Variants in HIVEP3 observed in about 807,000 individuals in gnomAD.
The protein encoded by HIVEP3 is transcription factor HIVEP3.
Under a neutral mutation model 152.8 loss-of-function variants are expected in HIVEP3, and 49 were observed. The observed-to-expected ratio is 0.32, with a 90% CI of 0.26 to 0.41. HIVEP3 has a LOEUF of 0.41. Among genes scored for constraint, HIVEP3 ranks in the 10% least tolerant of loss-of-function variants. The pLI is 1.00. For synonymous variants in HIVEP3, 1,269 were observed against 1,289.0 expected (o/e 0.98, Z 0.33); for missense variants, 2,790 against 3,103.3 (o/e 0.90, Z 2.40).
rs139549625 is a variant in HIVEP3, at chr1:41,889,779, C to T, written c.-801+28634G>A. Among the ~76,000 whole-genome samples the T allele has an allele frequency of 1.8e-3, 279 of 152,296 alleles. 1 individual carries two copies. Among genetic ancestry groups the T allele is most frequent in the African/African-American group, 6.5e-3 (269 of 41,570 alleles). On this transcript the variant is annotated intron_variant, in intron 1 of 8. Coordinates refer to ENST00000372583, the MANE Select transcript of HIVEP3 (RefSeq NM_024503.5). ...TAGGAATAACGGACTCTGATTACCA[C>T]GGTGACACTCCCAAGGTGATGGCTC...
At chr1:41,946,520 C>CT (rs1645075925) in intron 1 of HIVEP3, among the ~76,000 whole-genome samples, 1 of 152,218 alleles carries the variant, frequency 6.6e-6, no homozygotes, top group Non-Finnish European at 1.5e-5. Flanking sequence ...TAAGTTGTGA[C>CT]TGGGGAACTT....
chr1:41,726,180 T>C (rs1490365546), intron 1 of HIVEP3, among the ~76,000 whole-genome samples: 2 of 152,212 alleles, frequency 1.3e-5, no homozygotes, highest in Admixed American at 1.3e-4. Flanking sequence ...GTCTCAAGCA[T>C]TTTCATGAGC....
At chr1:41,528,451 A>C (rs1569758153) in intron 5 of HIVEP3, among the ~76,000 whole-genome samples, 1 of 52,188 alleles carries the variant, frequency 1.9e-5, no homozygotes, top group Admixed American at 2.2e-4. Context: ...TCCCACCCTC[A>C]CACACACCCC....
rs145109526 is a variant in HIVEP3 at position 41,579,976 on chromosome 1, A to T, written c.4822T>A (p.Tyr1608Asn). The change falls in exon 4 of 9, where the codon TAT becomes AAT. Residue 1608 changes from tyrosine to asparagine, a missense_variant. Transcript: ENST00000372583. ...LHTTTNVSWC[Y>N]LNYIKPNHIQ... is the part of the protein sequence containing the mutation. The stretch of plus-strand genomic sequence containing the variant: ...TGATTTGGCTTAATGTAGTTTAAAT[A>T]GCACCAACTGACATTAGTGGTTGTG... 4 of 1,614,260 alleles carry T rather than the reference A, an allele frequency of 2.5e-6. No individual in the cohort carries two copies. In the East Asian group the frequency reaches 8.9e-5, roughly 36 times the overall value.
chr1:41,676,801 C>T (rs1645963935), intron 2 of HIVEP3, among the ~76,000 whole-genome samples: 1 of 152,304 alleles, frequency 6.6e-6, no homozygotes, highest in South Asian at 2.1e-4. Context: ...AACACAATCG[C>T]GCAGTGACCC....
intron 1 of HIVEP3, among the ~76,000 whole-genome samples, chr1:41,903,562 G>C (rs748031046): frequency 7.9e-5 from 12 of 152,248 alleles, no homozygotes; most frequent in Non-Finnish European, 1.2e-4. Flanking sequence ...CTCTCCTCAG[G>C]AGGGACCAAG....
At chr1:41,707,888 A>G (rs894014260) in intron 1 of HIVEP3, among the ~76,000 whole-genome samples, 18 of 152,252 alleles carry the variant, frequency 1.2e-4, no homozygotes, top group Non-Finnish European at 5.9e-5. Flanking sequence ...ATCTGCAGCA[A>G]TAGACCTGGC....
At position 41,676,712 on chromosome 1, in the gene HIVEP3, A is replaced by T. The variant is rs138419482; in HGVS notation, c.-721+24204T>A. Reference sequence around the variant, plus strand: ...CCTCAGGAAACTGCCCCCCAACTCCACTCTCAATTCAGGCAGGGCTTCCCT... The same window carrying T: ...CCTCAGGAAACTGCCCCCCAACTCCTCTCTCAATTCAGGCAGGGCTTCCCT... On this transcript the variant is annotated intron_variant, in intron 2 of 8. Transcript: ENST00000372583. Among the ~76,000 whole-genome samples the T allele has an allele frequency of 3.6e-4, 54 of 151,654 alleles. 1 individual carries two copies. In the East Asian group the frequency reaches 0.01, roughly 29 times the overall value.
intron 2 of HIVEP3, among the ~76,000 whole-genome samples, chr1:41,698,871 TC>T (rs138879104): frequency 0.025 from 3,760 of 152,224 alleles, 163 homozygotes; most frequent in African/African-American, 0.086. Flanking sequence ...GTGTGGCTGT[TC>T]CTTTGTCTAT....
rs139039527 is a variant in HIVEP3, at chr1:41,527,599, C to T, written c.5208-2689G>A. 9.2e-4 allele frequency among the ~76,000 whole-genome samples: 131 copies of T among 142,144 alleles called. 1 individual carries two copies. Among genetic ancestry groups the T allele is most frequent in the African/African-American group, 3.2e-3 (121 of 37,732 alleles). The allele number at this position is 142,144 out of a possible 152,430, so 93.3% of individuals were successfully genotyped here. A position where few individuals can be genotyped will look rare whatever the true frequency, so the allele number is the denominator to read the frequency against. On this transcript the variant is annotated intron_variant, in intron 5 of 8. Transcript: ENST00000372583. Reference sequence around the variant, plus strand: ...CCACACTCAAGCACTCACACTCATTCGCATACTCTACTCCCCACCCTCACA... The same window carrying T: ...CCACACTCAAGCACTCACACTCATTTGCATACTCTACTCCCCACCCTCACA...
intron 1 of HIVEP3, among the ~76,000 whole-genome samples, chr1:41,964,035 C>T (rs1211592389): frequency 2.0e-5 from 3 of 152,156 alleles, no homozygotes; most frequent in Non-Finnish European, 2.9e-5. Context: ...AACGCCCAGT[C>T]GTTCAGAATT....
intron 1 of HIVEP3, among the ~76,000 whole-genome samples, chr1:41,757,102 T>TTATTATTAA (rs1266723509): frequency 1.2e-4 from 17 of 146,202 alleles, no homozygotes; most frequent in Non-Finnish European, 1.6e-4. Flanking sequence ...ATTATTATTA[T>TTATTATTAA]TATTATTATT....
chr1:41,712,290 G>A (rs1040382119), intron 1 of HIVEP3, among the ~76,000 whole-genome samples: 4 of 152,220 alleles, frequency 2.6e-5, no homozygotes, highest in Admixed American at 2.0e-4. Flanking sequence ...CGCCCTAGTC[G>A]CATGCACCAT....
intron 1 of HIVEP3, among the ~76,000 whole-genome samples, chr1:41,708,730 G>A (rs1187395227): frequency 3.3e-5 from 5 of 152,126 alleles, no homozygotes; most frequent in African/African-American, 1.2e-4. Flanking sequence ...TTTCTGAGAG[G>A]AACAAGTCAA....
chr1:41,686,785 A>G lies in HIVEP3; in HGVS notation c.-721+14131T>C, dbSNP rs1261054163. ...GAGTCCCTGGTTCTCATCTGTGAAA[A>G]GGGAGAATAATAAAATCCACCCTGC... On this transcript the variant is annotated intron_variant, in intron 2 of 8. Transcript: ENST00000372583. Among the ~76,000 whole-genome samples the G allele has an allele frequency of 3.3e-5, 5 of 152,310 alleles. No homozygotes were observed. The South Asian group carries it at 6.2e-4, about 19-fold the overall frequency.
chr1:41,537,200 T>A (rs532415536), intron 5 of HIVEP3, among the ~76,000 whole-genome samples: 1 of 152,132 alleles, frequency 6.6e-6, no homozygotes, highest in East Asian at 1.9e-4. Context: ...ATTAAGCTAT[T>A]CTGCATTTAT....
At chr1:41,820,804 C>T (rs558961477) in intron 1 of HIVEP3, among the ~76,000 whole-genome samples, 19 of 152,326 alleles carry the variant, frequency 1.2e-4, no homozygotes, top group Non-Finnish European at 2.1e-4. Flanking sequence ...ATTTTGCTCA[C>T]GGCTAAATCC....
intron 2 of HIVEP3, among the ~76,000 whole-genome samples, chr1:41,640,106 G>A (rs993363040): frequency 6.6e-6 from 1 of 152,174 alleles, no homozygotes; most frequent in Non-Finnish European, 1.5e-5. Context: ...CAGAAGAAAA[G>A]TTCATGGTTT....
intron 1 of HIVEP3, among the ~76,000 whole-genome samples, chr1:41,928,287 AG>A: frequency 6.6e-6 from 1 of 152,254 alleles, no homozygotes; most frequent in East Asian, 1.9e-4. Context: ...CACAGTCTAA[AG>A]TGTCCCTTAT....
Sources: allele counts gnomAD v4.1 joint callset (sites outside exome capture counted in the v4.1 genomes callset), GRCh38; gene constraint gnomAD v4.1.1; transcripts MANE v1.5; gene names NCBI Gene and HGNC (gene_info 2026-07-23, HGNC 2026-07-21).